Variants in ERI2 observed in about 807,000 individuals in gnomAD.
The protein encoded by ERI2 is ERI1 exoribonuclease 2.
A neutral mutation model predicts 46.8 loss-of-function variants in ERI2; 35 were observed. The observed-to-expected ratio is 0.75, with a 90% confidence interval of 0.57 to 0.99. The LOEUF is 0.99. Among genes scored for constraint, ERI2 ranks in the 50% least tolerant of loss-of-function variants. The probability of loss-of-function intolerance (pLI) is 0.00; values close to 1 mark genes in which losing one functional copy is unlikely to be tolerated. For missense variants in ERI2, 695 were observed against 796.2 expected (o/e 0.87, Z 1.53); for synonymous variants, 224 against 271.0 (o/e 0.83, Z 1.70).
intron 8 of ERI2, 93 bp from the exon 9 acceptor site, chr16:20,799,160 A>G: frequency 2.0e-6 from 3 of 1,515,138 alleles, no homozygotes; most frequent in East Asian, 4.7e-5. Context: ...GAGAAATGTC[A>G]TTGATTTATA....
At position 20,800,410 on chromosome 16, in the gene ERI2, A is replaced by C. The variant is rs1033496707; in HGVS notation, c.461-8T>G. On this transcript the variant is annotated splice_polypyrimidine_tract_variant and splice_region_variant and intron_variant, in intron 5 of 8. Coordinates refer to ENST00000357967, the MANE Select transcript of ERI2 (RefSeq NM_001142725.2). ...AAACCCCCAAGTCCCAGTCTGCATT[A>C]GGTACATTAAAATAGAACAAAGTCA... 5.8e-6 allele frequency: 9 copies of C among 1,555,270 alleles called. No individual in the cohort carries two copies. In the African/African-American group the frequency reaches 9.5e-5, roughly 16 times the overall value.
rs935349993 is a variant in ERI2, at chr16:20,781,636, C to T, written c.895-902G>A. 47 of 1,110,706 alleles carry T rather than the reference C, an allele frequency of 4.2e-5. 1 individual carries two copies. The highest frequency in any genetic ancestry group is 3.7e-4 in the South Asian group (30 of 80,004). The allele number at this position is 1,110,706 out of a possible 1,614,324, so 68.8% of individuals were successfully genotyped here. A position where few individuals can be genotyped will look rare whatever the true frequency, so the allele number is the denominator to read the frequency against. ...CATAAACAATGTTTAAATTGTGCTG[C>T]GTCAACCAAAGACATTTAAGCACTT... On this transcript the variant is annotated intron_variant, in intron 10 of 10. Transcript: ENST00000300005.
At chr16:20,780,290 C>G (rs2080324580) in exon 11 of ERI2, 1 of 238,070 alleles carries the variant, frequency 4.2e-6, no homozygotes, top group Non-Finnish European at 8.3e-6. Flanking sequence ...ATGGCTTTTA[C>G]TAACATGTAT....
intron 4 of ERI2, among the ~76,000 whole-genome samples, chr16:20,802,099 C>T (rs937563029): frequency 6.7e-6 from 1 of 148,160 alleles, no homozygotes; most frequent in African/African-American, 2.5e-5. Flanking sequence ...CCCAGCACCT[C>T]GGGAGGCCAA....
intron 4 of ERI2, among the ~76,000 whole-genome samples, chr16:20,802,574 AT>A (rs564591571): frequency 0.035 from 4,600 of 132,458 alleles, 57 homozygotes; most frequent in Non-Finnish European, 0.04. Flanking sequence ...GCTAATTTAA[AT>A]TTTTTTTTTT....
intron 5 of ERI2, 106 bp downstream of exon 5, chr16:20,801,097 G>T (rs1239713409): frequency 1.8e-6 from 2 of 1,092,472 alleles, no homozygotes; most frequent in Non-Finnish European, 1.2e-6. Flanking sequence ...TAGCCCAGAA[G>T]ATTAACAAAC....
rs2080801464 is a variant in ERI2, at chr16:20,802,030, A to T, written c.304-671T>A. Among the ~76,000 whole-genome samples, 4 of 147,498 alleles carry T rather than the reference A, an allele frequency of 2.7e-5. No homozygotes were observed. The South Asian group carries it at 7.0e-4, about 26-fold the overall frequency. ...CACCTTGGCCTCCCAAAGTACTGAG[A>T]TTACAGGTATGTTCCTTTGCTTTTT... On this transcript the variant is annotated intron_variant, in intron 4 of 8. Coordinates refer to ENST00000357967, the MANE Select transcript of ERI2 (RefSeq NM_001142725.2).
intron 10 of ERI2, chr16:20,783,562 A>G (rs569620426): frequency 1.3e-5 from 2 of 152,318 alleles, no homozygotes; most frequent in South Asian, 2.1e-4. Flanking sequence ...CTCAACATCT[A>G]TGTATTTCTT....
chr16:20,788,670 C>A (rs926471327), intron 10 of ERI2, among the ~76,000 whole-genome samples: 1 of 152,116 alleles, frequency 6.6e-6, no homozygotes, highest in Non-Finnish European at 1.5e-5. Flanking sequence ...TTTAAATACT[C>A]ATAATTTTCA....
At chr16:20,803,003 T>G in intron 3 of ERI2, 80 bp from the exon 4 acceptor site, 3 of 1,343,842 alleles carry the variant, frequency 2.2e-6, no homozygotes, top group Non-Finnish European at 3.0e-6. Context: ...TTAAACATGT[T>G]ACCATTTTAA....
Position 20,797,304 on chromosome 16 carries a change from A to G in ERI2, c.*420T>C. The stretch of plus-strand genomic sequence containing the variant: ...AAACTTTAGTTGACTAATTCTTCTG[A>G]TATGTTGATATACAAATCAGAACCA... On this transcript the variant is annotated 3_prime_UTR_variant, in exon 9 of 9. Transcript: ENST00000357967. The G allele has an allele frequency of 9.7e-7, 1 of 1,033,646 alleles. No homozygotes were observed. The highest frequency in any genetic ancestry group is 1.7e-5 in the African/African-American group (1 of 58,612). 64.0% of individuals were successfully genotyped at this position (1,033,646 alleles called of 1,614,324 possible).
exon 11 of ERI2, chr16:20,780,520 G>T: frequency 8.8e-7 from 1 of 1,140,200 alleles, no homozygotes; most frequent in Non-Finnish European, 1.2e-6. Flanking sequence ...TGATGACAAA[G>T]TTTAGTTTTG....
At chr16:20,791,989 A>G (rs1191321694), downstream of ERI2, 3 of 1,613,288 alleles carry the variant, frequency 1.9e-6, no homozygotes, top group Admixed American at 3.3e-5. Flanking sequence ...ACAAAATGCT[A>G]TTTGTTTTGC....
intron 1 of ERI2, 121 bp from the exon 2 acceptor site, chr16:20,803,791 C>A: frequency 8.0e-7 from 1 of 1,244,170 alleles, no homozygotes; most frequent in South Asian, 1.4e-5. Flanking sequence ...GAGGGGAAAT[C>A]GAACTGGACT....
At chr16:20,806,058 C>CA in intron 1 of ERI2, 1 of 1,216,346 alleles carries the variant, frequency 8.2e-7, no homozygotes, top group East Asian at 3.5e-5. Context: ...TTGACAGATT[C>CA]AGTGTGTGGC....
At chr16:20,786,605 C>T (rs554056163) in intron 10 of ERI2, among the ~76,000 whole-genome samples, 23 of 152,290 alleles carry the variant, frequency 1.5e-4, no homozygotes, top group African/African-American at 5.3e-4. Flanking sequence ...ATTGCTTGAG[C>T]CTGGGAGCTT....
intron 7 of ERI2, 123 bp from the exon 8 acceptor site, chr16:20,799,474 T>C: frequency 7.9e-6 from 7 of 890,592 alleles, no homozygotes; most frequent in Non-Finnish European, 6.8e-6. Flanking sequence ...TTTAGTTTTA[T>C]GACCATCTAC....
chr16:20,802,507 C>CA (rs1447286612), intron 4 of ERI2, among the ~76,000 whole-genome samples: 2 of 151,888 alleles, frequency 1.3e-5, no homozygotes, highest in Admixed American at 6.6e-5. Flanking sequence ...GTGGTCCTCC[C>CA]ACCTCAGCCT....
At chr16:20,788,977 A>G (rs1053439300) in intron 10 of ERI2, among the ~76,000 whole-genome samples, 1 of 152,216 alleles carries the variant, frequency 6.6e-6, no homozygotes, top group Non-Finnish European at 1.5e-5. Flanking sequence ...AAAGTGCTAG[A>G]TAAGTATTAT....
Sources: gnomAD v4.1 joint callset for allele counts (sites outside exome capture counted in the v4.1 genomes callset) on GRCh38, gnomAD v4.1.1 for gene constraint, MANE v1.5 for transcripts, NCBI Gene and HGNC (gene_info 2026-07-23, HGNC 2026-07-21) for gene names.